The following LRP1B variants were observed in gnomAD, a reference collection of about 807,000 sequenced individuals.
LRP1B encodes low-density lipoprotein receptor-related protein 1B.
A neutral mutation model predicts 556.6 loss-of-function variants in LRP1B; 217 were observed. The ratio of observed to expected loss-of-function variants is 0.39; its 90% confidence interval spans 0.35 to 0.44. The LOEUF is 0.44. Among genes scored for constraint, LRP1B ranks in the 20% least tolerant of loss-of-function variants. The probability of loss-of-function intolerance (pLI) is 1.00; values close to 1 mark genes in which losing one functional copy is unlikely to be tolerated. For missense variants in LRP1B, 5,053 were observed against 5,620.8 expected, an observed-to-expected ratio of 0.90 and a Z score of 3.23; for synonymous variants, 2,047 against 1,865.8, an observed-to-expected ratio of 1.10 and a Z score of -2.50.
chr2:140,613,242 A>G (rs1326798202), intron 41 of LRP1B, among the ~76,000 whole-genome samples: 1 of 144,758 alleles, frequency 6.9e-6, no homozygotes, highest in Non-Finnish European at 1.5e-5. Flanking sequence ...ATATATTACA[A>G]TTATATTTAT....
chr2:141,751,757 A>G (rs1426920565), intron 2 of LRP1B, among the ~76,000 whole-genome samples: 1 of 151,796 alleles, frequency 6.6e-6, no homozygotes, highest in East Asian at 1.9e-4. Flanking sequence ...TTAAGAAGAG[A>G]AAAAGGATTT....
chr2:141,923,635 A>C (rs1700259292), intron 1 of LRP1B, among the ~76,000 whole-genome samples: 1 of 151,392 alleles, frequency 6.6e-6, no homozygotes, highest in Non-Finnish European at 1.5e-5. Context: ...TACATTCTTT[A>C]AGAGTAATTA....
chr2:140,579,884 C>T (rs1681692844), intron 43 of LRP1B, among the ~76,000 whole-genome samples: 2 of 152,092 alleles, frequency 1.3e-5, no homozygotes, highest in African/African-American at 4.8e-5. Context: ...AGGGTAAAAA[C>T]CATTTTCAGA....
chr2:141,963,151 C>A (rs946526887), intron 1 of LRP1B, among the ~76,000 whole-genome samples: 4 of 151,846 alleles, frequency 2.6e-5, no homozygotes. Context: ...TAAATATGTT[C>A]TAAGCATTAG....
intron 35 of LRP1B, among the ~76,000 whole-genome samples, chr2:140,735,545 T>C (rs1260219739): frequency 1.3e-5 from 2 of 152,114 alleles, no homozygotes; most frequent in South Asian, 2.1e-4. Context: ...AGGGACCTGG[T>C]TGGAAAACCT....
intron 1 of LRP1B, among the ~76,000 whole-genome samples, chr2:141,826,111 C>T (rs1361829195): frequency 1.3e-5 from 2 of 151,904 alleles, no homozygotes; most frequent in African/African-American, 4.8e-5. Flanking sequence ...ATCAAATCTT[C>T]TGAAATTGAC....
chr2:141,342,088 C>T (rs2105518289), intron 3 of LRP1B, among the ~76,000 whole-genome samples: 1 of 151,096 alleles, frequency 6.6e-6, no homozygotes, highest in East Asian at 2.0e-4. Flanking sequence ...ACTAAAAATA[C>T]AAAAAATTAG....
chr2:141,705,670 G>A lies in LRP1B; in HGVS notation c.205+104609C>T, dbSNP rs988803648. ...TTACTGTGTTCTGGATACTATTCAC[G>A]AACTCAGACTTTATTTTCATTTCAC... On this transcript the variant is annotated intron_variant, in intron 2 of 90. Coordinates refer to ENST00000389484, the MANE Select transcript of LRP1B (RefSeq NM_018557.3). 4.6e-5 allele frequency among the ~76,000 whole-genome samples: 7 copies of A among 151,850 alleles called. No homozygotes were observed. The East Asian group carries it at 5.8e-4, about 13-fold the overall frequency.
At chr2:141,487,808 T>A (rs1456563070) in intron 2 of LRP1B, among the ~76,000 whole-genome samples, 1 of 152,154 alleles carries the variant, frequency 6.6e-6, no homozygotes, top group Non-Finnish European at 1.5e-5. Flanking sequence ...AAAAACAGCA[T>A]AATACAGTGA....
At chr2:141,577,376 C>T (rs796426289) in intron 2 of LRP1B, among the ~76,000 whole-genome samples, 1 of 152,212 alleles carries the variant, frequency 6.6e-6, no homozygotes, top group Non-Finnish European at 1.5e-5. Flanking sequence ...TATTAATTCA[C>T]TACTCTTCTT....
intron 5 of LRP1B, among the ~76,000 whole-genome samples, chr2:141,235,034 GAAT>G (rs1683600655): frequency 6.6e-6 from 1 of 151,780 alleles, no homozygotes; most frequent in African/African-American, 2.4e-5. Flanking sequence ...ATAATATTCA[GAAT>G]AATGACATAC....
intron 35 of LRP1B, among the ~76,000 whole-genome samples, chr2:140,722,064 CT>C (rs1388807690): frequency 1.3e-5 from 2 of 152,078 alleles, no homozygotes; most frequent in Non-Finnish European, 2.9e-5. Context: ...GCTATTTTGA[CT>C]TCTACTACCT....
chr2:141,658,786 A>G (rs935136568), intron 2 of LRP1B, among the ~76,000 whole-genome samples: 4 of 152,212 alleles, frequency 2.6e-5, no homozygotes, highest in Non-Finnish European at 5.9e-5. Context: ...GCAAAGATTG[A>G]GTTTTGCAAC....
At chr2:140,556,236 C>CT (rs1464422851) in intron 43 of LRP1B, among the ~76,000 whole-genome samples, 1 of 151,982 alleles carries the variant, frequency 6.6e-6, no homozygotes, top group Non-Finnish European at 1.5e-5. Context: ...ATTATCTAGC[C>CT]TTTTTGTGAA....
At chr2:141,074,587 C>A (rs866961577) in intron 7 of LRP1B, among the ~76,000 whole-genome samples, 1,438 of 85,652 alleles carry the variant, frequency 0.017, 9 homozygotes, top group Non-Finnish European at 0.024. Flanking sequence ...CTCTCTCTCT[C>A]TCTATATATA....
At chr2:141,415,526 T>C (rs1351571338) in intron 3 of LRP1B, among the ~76,000 whole-genome samples, 1 of 152,200 alleles carries the variant, frequency 6.6e-6, no homozygotes, top group Non-Finnish European at 1.5e-5. Flanking sequence ...GTGGTATTAA[T>C]AACAATTGAT....
intron 86 of LRP1B, among the ~76,000 whole-genome samples, chr2:140,261,728 A>G (rs1484202502): frequency 6.6e-6 from 1 of 151,450 alleles, no homozygotes. Context: ...AATAAACATA[A>G]GAGTGTATCA....
At chr2:140,358,172 G>A (rs1020717581) in intron 73 of LRP1B, 56 bp from the exon 74 acceptor site, 8 of 1,524,760 alleles carry the variant, frequency 5.2e-6, no homozygotes, top group Middle Eastern at 1.8e-4. Flanking sequence ...CACTCTTATT[G>A]AGCATGTAAT....
In LRP1B at chr2:140,334,433, G is replaced by C. The variant is rs764226716; in HGVS notation, c.12223+20C>G. ...ACTTGTCATTCTGCTTCATATTTTA[G>C]CGTGTGTCAGAAATCATACCTGTGG... On this transcript the variant is annotated intron_variant, in intron 79 of 90. Coordinates refer to ENST00000389484, the MANE Select transcript of LRP1B (RefSeq NM_018557.3). 1.4e-6 allele frequency: 2 copies of C among 1,394,792 alleles called. No homozygotes were observed. Among genetic ancestry groups the C allele is most frequent in the Non-Finnish European group, 2.0e-6 (2 of 981,076 alleles). 86.4% of individuals were successfully genotyped at this position (1,394,792 alleles called of 1,614,324 possible).
Sources: gnomAD v4.1 joint callset for allele counts (sites outside exome capture counted in the v4.1 genomes callset) on GRCh38, gnomAD v4.1.1 for gene constraint, MANE v1.5 for transcripts, NCBI Gene and HGNC (gene_info 2026-07-23, HGNC 2026-07-21) for gene names.